ZBTB40: variants seen among roughly 807,000 people sequenced by gnomAD.
The protein encoded by ZBTB40 is zinc finger and BTB domain containing 40, also known as zinc finger and BTB domain-containing protein 40.
ZBTB40 carries 60 observed loss-of-function variants against 117.5 expected under a neutral mutation model. The ratio of observed to expected loss-of-function variants is 0.51; its 90% CI spans 0.41 to 0.63. The LOEUF (loss-of-function observed/expected upper bound fraction) is 0.63. Among genes scored for constraint, ZBTB40 ranks in the 30% least tolerant of loss-of-function variants. ZBTB40 has a pLI of 0.00. For synonymous variants in ZBTB40, 525 were observed against 577.1 expected (o/e 0.91, Z 1.29); for missense variants, 1,287 against 1,498.5 (o/e 0.86, Z 2.33).
intron 3 of ZBTB40, 108 bp downstream of exon 3, chr1:22,491,641 C>T: frequency 2.6e-6 from 3 of 1,162,442 alleles, no homozygotes; most frequent in African/African-American, 1.6e-5. Flanking sequence ...TGTTTTGAAA[C>T]TTTAATTTTT....
At chr1:22,455,872 A>C (rs1006591188) in intron 1 of ZBTB40, among the ~76,000 whole-genome samples, 1 of 152,080 alleles carries the variant, frequency 6.6e-6, no homozygotes, top group Non-Finnish European at 1.5e-5. Context: ...ATCTGTCTGC[A>C]ATGATGCTTT....
At position 22,511,846 on chromosome 1, in the gene ZBTB40, G is replaced by A. The variant is rs769757272; in HGVS notation, c.2173G>A (p.Ala725Thr). The change falls in exon 11 of 18, where the codon GCT becomes ACT. Residue 725 changes from alanine to threonine, a missense_variant. By Grantham distance (58) the Ala-to-Thr change is moderately conservative (BLOSUM62 0). Transcript: ENST00000375647. Reference sequence around the variant, plus strand: ...CTTGCCAGGACAGCAAGAGAAAGAGGCTTCAGCCTCCCCAGACCCTGCCAA... The same window carrying A: ...CTTGCCAGGACAGCAAGAGAAAGAGACTTCAGCCTCCCCAGACCCTGCCAA... Reference protein sequence around the residue: ...GSLPGQQEKEASASPDPAKKS... With the variant: ...GSLPGQQEKETSASPDPAKKS... The A allele has an allele frequency of 1.2e-6, 2 of 1,614,020 alleles. No individual in the cohort carries two copies. The highest frequency in any genetic ancestry group is 1.7e-6 in the Non-Finnish European group (2 of 1,180,030).
intron 1 of ZBTB40, among the ~76,000 whole-genome samples, chr1:22,464,011 T>C (rs1205024164): frequency 6.6e-6 from 1 of 152,248 alleles, no homozygotes; most frequent in Non-Finnish European, 1.5e-5. Flanking sequence ...CTTGACAATC[T>C]GTGAGATGAT....
At chr1:22,447,644 G>A (rs1640804871), upstream of ZBTB40, among the ~76,000 whole-genome samples, 1 of 152,222 alleles carries the variant, frequency 6.6e-6, no homozygotes, top group Non-Finnish European at 1.5e-5. Flanking sequence ...GGGCAACCAA[G>A]GCGAGGGATT....
intron 1 of ZBTB40, among the ~76,000 whole-genome samples, chr1:22,484,048 T>A (rs1638400367): frequency 6.6e-6 from 1 of 152,236 alleles, no homozygotes; most frequent in South Asian, 2.1e-4. Flanking sequence ...TTGTCAAAGA[T>A]GAATTGACTA....
intron 1 of ZBTB40, among the ~76,000 whole-genome samples, chr1:22,462,744 C>T (rs1463600902): frequency 6.6e-6 from 1 of 152,122 alleles, no homozygotes; most frequent in Non-Finnish European, 1.5e-5. Context: ...TGATTATAGC[C>T]CAGCCGTCTT....
intron 8 of ZBTB40, 142 bp from the exon 9 acceptor site, chr1:22,508,958 T>C: frequency 7.7e-7 from 1 of 1,291,524 alleles, no homozygotes; most frequent in South Asian, 1.2e-5. Context: ...TACAGTGCTA[T>C]TTGCCGTTTT....
intron 1 of ZBTB40, among the ~76,000 whole-genome samples, chr1:22,475,599 C>T (rs1444239359): frequency 6.6e-6 from 1 of 152,160 alleles, no homozygotes; most frequent in African/African-American, 2.4e-5. Context: ...ATTACCAGCC[C>T]TAGTCCTTCC....
Position 22,529,664 on chromosome 1 carries a change from C to T in ZBTB40, c.*3268C>T, listed in dbSNP as rs1372126456. The T allele has an allele frequency of 6.6e-6, 1 of 152,250 alleles. No homozygotes were observed. Among genetic ancestry groups the T allele is most frequent in the Non-Finnish European group, 1.5e-5 (1 of 68,034 alleles). The allele number at this position is 152,250 out of a possible 1,614,324, so 9.4% of individuals were successfully genotyped here. A position where few individuals can be genotyped will look rare whatever the true frequency, so the allele number is the denominator to read the frequency against. On this transcript the variant is annotated 3_prime_UTR_variant, in exon 18 of 18. Coordinates refer to ENST00000375647, the MANE Select transcript of ZBTB40 (RefSeq NM_014870.4). The stretch of plus-strand genomic sequence containing the variant: ...GTAAAGAGACATGAAGAGACAGCCT[C>T]TCTCTTCTGTCTCAGAAGCTCTGTG...
At chr1:22,484,675 A>G in intron 1 of ZBTB40, among the ~76,000 whole-genome samples, 1 of 152,182 alleles carries the variant, frequency 6.6e-6, no homozygotes, top group East Asian at 1.9e-4. Flanking sequence ...CTTCCAGTAC[A>G]GTGTTTAAGA....
Position 22,530,497 on chromosome 1 carries a change from C to T in ZBTB40, c.*4101C>T, listed in dbSNP as rs1639801856. On this transcript the variant is annotated 3_prime_UTR_variant, in exon 18 of 18. Coordinates refer to ENST00000375647, the MANE Select transcript of ZBTB40 (RefSeq NM_014870.4). ...GACTACATTGCTGAAGGAAAAAAAT[C>T]ACTCCCTGGCTAATTAAGATTGCTT... 1.3e-5 allele frequency: 2 copies of T among 152,250 alleles called. No individual in the cohort carries two copies. The allele number at this position is 152,250 out of a possible 1,614,324, so 9.4% of individuals were successfully genotyped here.
At chr1:22,466,276 A>G (rs982883583) in intron 1 of ZBTB40, among the ~76,000 whole-genome samples, 3 of 152,180 alleles carry the variant, frequency 2.0e-5, no homozygotes, top group African/African-American at 7.2e-5. Context: ...TTGTTTGTCC[A>G]TTCATAAGTT....
intron 1 of ZBTB40, among the ~76,000 whole-genome samples, chr1:22,432,508 T>TA (rs36118043): frequency 2.0e-5 from 3 of 152,216 alleles, no homozygotes; most frequent in Admixed American, 2.0e-4. Context: ...GAAGTAAAAT[T>TA]AAAAATTCAG....
At position 22,442,725 on chromosome 1, in the gene ZBTB40, G is replaced by A. The variant is rs376998164; in HGVS notation, c.-70+13711G>A. The stretch of plus-strand genomic sequence containing the variant: ...ATTCAGGGTAAGGGTCAGCTGCATT[G>A]GGTGGAGGTGGGGAGTCCTGGGGCA... On this transcript the variant is annotated intron_variant, in intron 1 of 8. Coordinates refer to the ZBTB40 transcript ENST00000650433. 3.3e-5 allele frequency among the ~76,000 whole-genome samples: 5 copies of A among 152,290 alleles called. No homozygotes were observed. The East Asian group carries it at 7.7e-4, about 24-fold the overall frequency.
chr1:22,437,848 G>A (rs1020920991), intron 1 of ZBTB40, among the ~76,000 whole-genome samples: 1 of 129,380 alleles, frequency 7.7e-6, no homozygotes, highest in Non-Finnish European at 1.7e-5. Context: ...AACTCTGGTC[G>A]GGTGTGGTGG....
intron 1 of ZBTB40, among the ~76,000 whole-genome samples, chr1:22,477,648 CAA>C (rs773354092): frequency 2.8e-4 from 19 of 66,684 alleles, no homozygotes; most frequent in East Asian, 4.5e-4. Context: ...GACTCTGTCT[CAA>C]AAAAAAAAAA....
At chr1:22,517,585 T>C in intron 13 of ZBTB40, 121 bp downstream of exon 13, 1 of 1,225,480 alleles carries the variant, frequency 8.2e-7, no homozygotes, top group South Asian at 1.6e-5. Flanking sequence ...TCCCCTTACC[T>C]GTTCCGCTGC....
chr1:22,437,650 C>T, intron 1 of ZBTB40, among the ~76,000 whole-genome samples: 1 of 151,706 alleles, frequency 6.6e-6, no homozygotes, highest in East Asian at 2.0e-4. Context: ...GAACTCCTGA[C>T]CTCAGGTGAT....
Position 22,429,071 on chromosome 1 carries a change from C to A in ZBTB40, c.-70+57C>A, listed in dbSNP as rs150085022. ...GTCTTTCATTTTGAAGTAGTCAAATCCAGATATTTTCTTCTTTAAGAAATT... is the reference window on the plus strand; with the variant it reads ...GTCTTTCATTTTGAAGTAGTCAAATACAGATATTTTCTTCTTTAAGAAATT... On this transcript the variant is annotated intron_variant, in intron 1 of 8. Coordinates refer to the ZBTB40 transcript ENST00000650433. 4.7e-3 allele frequency among the ~76,000 whole-genome samples: 712 copies of A among 152,258 alleles called. 3 individuals are homozygous for A. Among genetic ancestry groups the A allele is most frequent in the African/African-American group, 0.016 (684 of 41,546 alleles).
Sources: gnomAD v4.1 joint callset for allele counts (sites outside exome capture counted in the v4.1 genomes callset) on GRCh38, gnomAD v4.1.1 for gene constraint, MANE v1.5 for transcripts, NCBI Gene and HGNC (gene_info 2026-07-23, HGNC 2026-07-21) for gene names.